TMPRSS11E: variants seen among roughly 807,000 people sequenced by gnomAD.
TMPRSS11E encodes the protein transmembrane protease serine 11E.
A neutral mutation model predicts 48.1 loss-of-function variants in TMPRSS11E; 38 were observed. The ratio of observed to expected loss-of-function variants is 0.79; its 90% CI spans 0.61 to 1.04. The LOEUF is 1.04. Ranked by LOEUF, TMPRSS11E falls within the 50% of genes least tolerant of loss-of-function variation. The pLI is 0.00. For missense variants in TMPRSS11E, 530 were observed against 510.8 expected (o/e 1.04, Z -0.36); for synonymous variants, 158 against 171.9 (o/e 0.92, Z 0.63).
chr4:68,455,380 G>A (rs1048179674), intron 1 of TMPRSS11E, among the ~76,000 whole-genome samples: 1 of 151,888 alleles, frequency 6.6e-6, no homozygotes, highest in African/African-American at 2.4e-5. Flanking sequence ...TGAAGAAAAG[G>A]AGAGCTCTCA....
chr4:68,459,553 A>T (rs1426469759), intron 1 of TMPRSS11E, among the ~76,000 whole-genome samples: 2 of 152,176 alleles, frequency 1.3e-5, no homozygotes, highest in Non-Finnish European at 2.9e-5. Context: ...CATGAAATGC[A>T]TATTATTCTA....
intron 8 of TMPRSS11E, among the ~76,000 whole-genome samples, chr4:68,478,006 C>G (rs3100651): frequency 0.66 from 100,505 of 151,972 alleles, 33,620 homozygotes; most frequent in East Asian, 0.86. Flanking sequence ...TCCTTGTAAT[C>G]TTAACAATGG....
At chr4:68,462,690 C>A (rs1379564667) in intron 2 of TMPRSS11E, among the ~76,000 whole-genome samples, 1 of 152,008 alleles carries the variant, frequency 6.6e-6, no homozygotes, top group Admixed American at 6.6e-5. Flanking sequence ...CAGTAAGTTA[C>A]AAAAATAGTC....
chr4:68,472,126 T>C (rs142706441), intron 5 of TMPRSS11E, among the ~76,000 whole-genome samples: 2,389 of 152,042 alleles, frequency 0.016, 67 homozygotes, highest in African/African-American at 0.054. Flanking sequence ...TTGTTGTTCT[T>C]GTTGTTATTG....
At chr4:68,478,614 C>CAT in intron 8 of TMPRSS11E, among the ~76,000 whole-genome samples, 1 of 151,390 alleles carries the variant, frequency 6.6e-6, no homozygotes, top group East Asian at 2.0e-4. Flanking sequence ...GCCACCACCC[C>CAT]CGGCTAATTT....
chr4:68,490,966 C>T (rs1729703569), intron 9 of TMPRSS11E, among the ~76,000 whole-genome samples: 1 of 151,848 alleles, frequency 6.6e-6, no homozygotes, highest in Non-Finnish European at 1.5e-5. Context: ...GCCATGTTTG[C>T]TAGGCTGGTC....
Position 68,477,401 on chromosome 4 carries a change from T to C in TMPRSS11E, c.740T>C (p.Phe247Ser), listed in dbSNP as rs1218017593. ...AACCCTGCCAGATGGACTGCTTCCT[T>C]TGGAGTAACAATAAAACCTTCGAAA... ...YKNPARWTAS[F>S]GVTIKPSKMK... The change falls in exon 8 of 10, where the codon TTT becomes TCT. Residue 247 changes from phenylalanine (F) to serine (S), a missense_variant. Transcript: ENST00000305363. 1 of 1,614,080 alleles carries C rather than the reference T, an allele frequency of 6.2e-7. No individual in the cohort carries two copies. Among genetic ancestry groups the C allele is most frequent in the Non-Finnish European group, 8.5e-7 (1 of 1,179,956 alleles).
chr4:68,451,339 G>C (rs536881684), intron 1 of TMPRSS11E, among the ~76,000 whole-genome samples: 26 of 152,006 alleles, frequency 1.7e-4, no homozygotes, highest in African/African-American at 6.3e-4. Context: ...GACTGGACTA[G>C]AGAGAAGGAA....
At chr4:68,458,310 A>C (rs1425484008) in intron 1 of TMPRSS11E, among the ~76,000 whole-genome samples, 1 of 152,016 alleles carries the variant, frequency 6.6e-6, no homozygotes, top group African/African-American at 2.4e-5. Context: ...ATAATAATGC[A>C]GCCTAAGCAT....
At chr4:68,495,854 G>A (rs1365250403) in intron 9 of TMPRSS11E, among the ~76,000 whole-genome samples, 1 of 152,078 alleles carries the variant, frequency 6.6e-6, no homozygotes, top group Admixed American at 6.6e-5. Flanking sequence ...ATGAATTAAT[G>A]AGATAATATT....
chr4:68,461,996 A>C, intron 2 of TMPRSS11E, 51 bp downstream of exon 2: 2 of 1,608,192 alleles, frequency 1.2e-6, no homozygotes, highest in African/African-American at 1.3e-5. Flanking sequence ...ATATTTCCTC[A>C]TACCTTGCTG....
At chr4:68,487,474 A>T (rs1215623147) in intron 9 of TMPRSS11E, among the ~76,000 whole-genome samples, 1 of 150,490 alleles carries the variant, frequency 6.6e-6, no homozygotes, top group Non-Finnish European at 1.5e-5. Context: ...CTGGTCTTGA[A>T]CTCCTGGCCT....
chr4:68,476,906 T>C (rs1578140601), intron 7 of TMPRSS11E, among the ~76,000 whole-genome samples: 1 of 152,310 alleles, frequency 6.6e-6, no homozygotes, highest in East Asian at 1.9e-4. Flanking sequence ...ATTGACTAAT[T>C]ATATTGCAAG....
At chr4:68,479,277 T>G (rs572989903) in intron 9 of TMPRSS11E, among the ~76,000 whole-genome samples, 9 of 152,228 alleles carry the variant, frequency 5.9e-5, no homozygotes, top group South Asian at 2.1e-4. Context: ...CACAAAGACC[T>G]ACCTTTTTCC....
At chr4:68,458,493 AT>A (rs1728695194) in intron 1 of TMPRSS11E, among the ~76,000 whole-genome samples, 1 of 152,190 alleles carries the variant, frequency 6.6e-6, no homozygotes, top group Non-Finnish European at 1.5e-5. Flanking sequence ...TCTGAAGGTG[AT>A]TTTACACGAA....
chr4:68,474,622 G>C, intron 5 of TMPRSS11E, 101 bp from the exon 6 acceptor site: 1 of 1,083,370 alleles, frequency 9.2e-7, no homozygotes, highest in South Asian at 1.4e-5. Flanking sequence ...TAGAGATACT[G>C]TTTTATAATA....
At chr4:68,456,309 T>G (rs1486489379) in intron 1 of TMPRSS11E, among the ~76,000 whole-genome samples, 2 of 151,998 alleles carry the variant, frequency 1.3e-5, no homozygotes, top group African/African-American at 4.8e-5. Flanking sequence ...GCCGTAATTA[T>G]TATGGTAGGG....
chr4:68,469,957 C>T (rs1363808456), intron 4 of TMPRSS11E, among the ~76,000 whole-genome samples: 4 of 151,886 alleles, frequency 2.6e-5, no homozygotes, highest in Non-Finnish European at 1.5e-5. Flanking sequence ...TTCCAATTTG[C>T]TCACCTCTTT....
At position 68,475,727 on chromosome 4, in the gene TMPRSS11E, G is replaced by T. The variant is rs190262823; in HGVS notation, c.530-534G>T. Among the ~76,000 whole-genome samples the T allele has an allele frequency of 1.3e-3, 197 of 152,214 alleles. 1 individual carries two copies. The highest frequency in any genetic ancestry group is 4.7e-3 in the African/African-American group (196 of 41,536). ...GGCCAAGCTATCATGCCCCACTGTG[G>T]CATTTTTGTCATGAATATAGGGGGA... On this transcript the variant is annotated intron_variant, in intron 6 of 9. Transcript: ENST00000305363.
Sources: gnomAD v4.1 joint callset for allele counts (sites outside exome capture counted in the v4.1 genomes callset) on GRCh38, gnomAD v4.1.1 for gene constraint, MANE v1.5 for transcripts, NCBI Gene and HGNC (gene_info 2026-07-23, HGNC 2026-07-21) for gene names.